FAM110B: variants seen among roughly 807,000 people sequenced by gnomAD.
FAM110B encodes the protein family with sequence similarity 110 member B.
FAM110B carries 6 observed loss-of-function variants against 20.4 expected under a neutral mutation model. That is an observed-to-expected ratio of 0.29 (90% CI 0.16 to 0.58). FAM110B has a LOEUF of 0.58. FAM110B is among the 20% of genes least tolerant of loss of function. FAM110B has a pLI of 0.90. For synonymous variants in FAM110B, 226 were observed against 214.1 expected, an observed-to-expected ratio of 1.06 and a Z score of -0.49; for missense variants, 434 against 498.2, an observed-to-expected ratio of 0.87 and a Z score of 1.23.
intron 2 of FAM110B, among the ~76,000 whole-genome samples, chr8:58,033,197 C>A (rs1805004713): frequency 6.6e-6 from 1 of 152,162 alleles, no homozygotes; most frequent in Non-Finnish European, 1.5e-5. Context: ...ATAATGGCCT[C>A]CAGCTGTGTC....
chr8:58,145,656 G>A (rs1052088774), intron 3 of FAM110B, among the ~76,000 whole-genome samples: 1 of 152,276 alleles, frequency 6.6e-6, no homozygotes, highest in Non-Finnish European at 1.5e-5. Context: ...GCAGCTGGAA[G>A]AGTTCGCGCG....
intron 2 of FAM110B, among the ~76,000 whole-genome samples, chr8:58,052,681 C>A (rs1805471044): frequency 6.8e-6 from 1 of 148,070 alleles, no homozygotes; most frequent in Non-Finnish European, 1.5e-5. Context: ...GATAGGGTAG[C>A]GATTTTAGAG....
chr8:58,135,879 A>G (rs1170683623), intron 3 of FAM110B, among the ~76,000 whole-genome samples: 2 of 152,148 alleles, frequency 1.3e-5, no homozygotes, highest in Non-Finnish European at 2.9e-5. Flanking sequence ...TATAAACTGC[A>G]GGAGTTACTA....
intron 3 of FAM110B, among the ~76,000 whole-genome samples, chr8:58,088,468 G>A (rs1005494523): frequency 6.6e-6 from 1 of 152,192 alleles, no homozygotes; most frequent in African/African-American, 2.4e-5. Flanking sequence ...TACATTGTCT[G>A]TGTTATCTTC....
chr8:58,067,158 T>C (rs780600540), intron 2 of FAM110B, among the ~76,000 whole-genome samples: 1 of 152,214 alleles, frequency 6.6e-6, no homozygotes, highest in Non-Finnish European at 1.5e-5. Flanking sequence ...AACAATTCTA[T>C]GTGAAAATTC....
intron 2 of FAM110B, among the ~76,000 whole-genome samples, chr8:58,059,895 A>C (rs780223960): frequency 3.9e-5 from 6 of 152,040 alleles, no homozygotes; most frequent in Non-Finnish European, 8.8e-5. Context: ...TTTGTGATCT[A>C]CCTCAGATTG....
At chr8:58,074,844 A>AG (rs1805994182) in intron 2 of FAM110B, among the ~76,000 whole-genome samples, 1 of 152,086 alleles carries the variant, frequency 6.6e-6, no homozygotes, top group African/African-American at 2.4e-5. Context: ...AGGGACTCTG[A>AG]GGCCCCTTTA....
intron 3 of FAM110B, among the ~76,000 whole-genome samples, chr8:58,125,913 A>G (rs1294997157): frequency 7.8e-6 from 1 of 127,630 alleles, no homozygotes; most frequent in Non-Finnish European, 1.6e-5. Flanking sequence ...GTACCCTCCC[A>G]TGGCTATATG....
intron 2 of FAM110B, among the ~76,000 whole-genome samples, chr8:58,054,741 G>A (rs1805516852): frequency 1.3e-5 from 2 of 152,090 alleles, no homozygotes; most frequent in African/African-American, 2.4e-5. Context: ...AGTTGATGGC[G>A]GGAGTGGGGA....
chr8:58,084,712 T>A (rs1806288894), intron 3 of FAM110B, among the ~76,000 whole-genome samples: 1 of 152,054 alleles, frequency 6.6e-6, no homozygotes. Flanking sequence ...TAAACATGAT[T>A]TTTCACTGGA....
At chr8:58,032,542 A>G (rs747738946) in intron 2 of FAM110B, 1 of 152,168 alleles carries the variant, frequency 6.6e-6, no homozygotes, top group Non-Finnish European at 1.5e-5. Flanking sequence ...CCTTAACCCT[A>G]TGAGTGAAAG....
intron 3 of FAM110B, among the ~76,000 whole-genome samples, chr8:58,134,869 G>A (rs1563381868): frequency 6.6e-6 from 1 of 152,076 alleles, no homozygotes; most frequent in Non-Finnish European, 1.5e-5. Flanking sequence ...ATGGTTATTT[G>A]GTTTAACAAA....
chr8:58,144,238 C>T (rs1024634262), intron 3 of FAM110B, among the ~76,000 whole-genome samples: 8 of 152,266 alleles, frequency 5.3e-5, no homozygotes, highest in Middle Eastern at 6.8e-3. Context: ...ATGATGACCT[C>T]GGAGTTGCAT....
At chr8:57,996,060 C>G (rs965216974) in intron 1 of FAM110B, among the ~76,000 whole-genome samples, 2 of 152,192 alleles carry the variant, frequency 1.3e-5, no homozygotes, top group African/African-American at 4.8e-5. Flanking sequence ...TTCTTGTACT[C>G]ATTTTTGTGA....
chr8:58,000,858 G>A (rs1407086334), intron 1 of FAM110B, among the ~76,000 whole-genome samples: 1 of 152,206 alleles, frequency 6.6e-6, no homozygotes, highest in Non-Finnish European at 1.5e-5. Flanking sequence ...TCCCTAGCCA[G>A]TGTCCTTTCA....
At chr8:57,999,554 A>G (rs58432662) in intron 1 of FAM110B, among the ~76,000 whole-genome samples, 2,561 of 152,260 alleles carry the variant, frequency 0.017, 70 homozygotes, top group African/African-American at 0.058. Context: ...ACTTAATATA[A>G]ATAAAAAATA....
At chr8:58,123,691 A>G (rs1322797598) in intron 3 of FAM110B, among the ~76,000 whole-genome samples, 3 of 152,210 alleles carry the variant, frequency 2.0e-5, no homozygotes, top group Admixed American at 6.5e-5. Context: ...ATGATATGGT[A>G]AAGATTTTAT....
chr8:58,038,748 T>C (rs1434228584), intron 2 of FAM110B, among the ~76,000 whole-genome samples: 2 of 146,768 alleles, frequency 1.4e-5, no homozygotes, highest in Non-Finnish European at 3.0e-5. Context: ...TGATTGAGAC[T>C]CTGTCTCAAA....
chr8:57,998,462 G>A (rs1246808502), intron 1 of FAM110B, among the ~76,000 whole-genome samples: 1 of 152,034 alleles, frequency 6.6e-6, no homozygotes, highest in Non-Finnish European at 1.5e-5. Flanking sequence ...TGATGATTTT[G>A]GAAACATTGA....
Sources: gnomAD v4.1 joint callset for allele counts (sites outside exome capture counted in the v4.1 genomes callset) on GRCh38, gnomAD v4.1.1 for gene constraint, MANE v1.5 for transcripts, NCBI Gene and HGNC (gene_info 2026-07-23, HGNC 2026-07-21) for gene names.